GCH1: variants seen among roughly 807,000 people sequenced by gnomAD.
The protein encoded by GCH1 is GTP cyclohydrolase 1, also known as GTP cyclohydrolase I.
GCH1 carries 5 observed loss-of-function variants against 25.9 expected under a neutral mutation model. The observed-to-expected ratio is 0.19, with a 90% confidence interval of 0.10 to 0.41. The LOEUF (loss-of-function observed/expected upper bound fraction) is 0.41. GCH1 is among the 10% of genes least tolerant of loss of function. The pLI, the probability that GCH1 is intolerant of heterozygous loss-of-function variation, is 1.00. For synonymous variants in GCH1, 159 were observed against 129.6 expected (o/e 1.23, Z -1.54); for missense variants, 261 against 336.5 (o/e 0.78, Z 1.75).
intron 1 of GCH1, among the ~76,000 whole-genome samples, chr14:54,874,806 G>A (rs1021821317): frequency 2.6e-5 from 4 of 152,092 alleles, no homozygotes; most frequent in South Asian, 2.1e-4. Flanking sequence ...ACCTCTTCAA[G>A]GAGAACTACA....
At chr14:54,890,573 G>T (rs1367357248) in intron 1 of GCH1, among the ~76,000 whole-genome samples, 1 of 152,182 alleles carries the variant, frequency 6.6e-6, no homozygotes, top group African/African-American at 2.4e-5. Flanking sequence ...TTCATTACAA[G>T]GGTTGACTAT....
intron 1 of GCH1, among the ~76,000 whole-genome samples, chr14:54,870,827 G>A (rs1441898409): frequency 1.3e-5 from 2 of 152,226 alleles, no homozygotes; most frequent in African/African-American, 2.4e-5. Flanking sequence ...GCCGAGGCTT[G>A]AGTAGGTAAA....
rs551629849 is a variant in GCH1 at position 54,842,924 on chromosome 14, C to T, written c.*1093G>A. On this transcript the variant is annotated 3_prime_UTR_variant, in exon 6 of 6. Transcript: ENST00000491895. The stretch of plus-strand genomic sequence containing the variant: ...CCACAAAGGAAACCGGGACCAGAAG[C>T]TTCCAGTGCATTTTCACAGATCGTT... The T allele has an allele frequency of 1.4e-4, 86 of 633,416 alleles. No homozygotes were observed. In the African/African-American group the frequency reaches 1.5e-3, roughly 11 times the overall value. 39.2% of individuals were successfully genotyped at this position (633,416 alleles called of 1,614,324 possible). A position where few individuals can be genotyped will look rare whatever the true frequency, so the allele number is the denominator to read the frequency against.
At chr14:54,856,656 T>C (rs1417573581) in intron 3 of GCH1, among the ~76,000 whole-genome samples, 1 of 152,194 alleles carries the variant, frequency 6.6e-6, no homozygotes, top group Non-Finnish European at 1.5e-5. Context: ...TTTCACCATG[T>C]TGGCCAGGCT....
chr14:54,868,912 T>C (rs2040028575), intron 1 of GCH1, among the ~76,000 whole-genome samples: 2 of 151,922 alleles, frequency 1.3e-5, no homozygotes, highest in African/African-American at 4.8e-5. Context: ...ATTATTATTA[T>C]TATTATTTTA....
intron 1 of GCH1, among the ~76,000 whole-genome samples, chr14:54,898,562 A>T (rs190364583): frequency 2.6e-5 from 4 of 152,210 alleles, no homozygotes; most frequent in Admixed American, 2.6e-4. Context: ...GCTGTGCAAA[A>T]ATATTTTATA....
intron 3 of GCH1, among the ~76,000 whole-genome samples, chr14:54,855,866 A>T (rs528385241): frequency 2.0e-5 from 3 of 152,224 alleles, no homozygotes; most frequent in Non-Finnish European, 1.5e-5. Flanking sequence ...AGTACAGAAT[A>T]TAAGATATGA....
At chr14:54,871,453 A>G (rs985703308) in intron 1 of GCH1, among the ~76,000 whole-genome samples, 11 of 152,236 alleles carry the variant, frequency 7.2e-5, no homozygotes, top group African/African-American at 2.7e-4. Flanking sequence ...CTCCTCCTCC[A>G]AAGGAACGCA....
At chr14:54,895,083 CA>C in intron 1 of GCH1, among the ~76,000 whole-genome samples, 1 of 152,280 alleles carries the variant, frequency 6.6e-6, no homozygotes, top group East Asian at 1.9e-4. Context: ...GTTTGTGATT[CA>C]AAAAGAAAAA....
chr14:54,853,431 G>T (rs1237437828), intron 3 of GCH1, among the ~76,000 whole-genome samples: 1 of 152,106 alleles, frequency 6.6e-6, no homozygotes, highest in Non-Finnish European at 1.5e-5. Flanking sequence ...GATTTGGGAT[G>T]GGAAAAGGGA....
rs562651921 is a variant in GCH1 at position 54,897,019 on chromosome 14, T to G, written c.343+5302A>C. 1.7e-4 allele frequency among the ~76,000 whole-genome samples: 24 copies of G among 140,320 alleles called. No individual in the cohort carries two copies. The East Asian group carries it at 3.7e-3, about 21-fold the overall frequency. The allele number at this position is 140,320 out of a possible 152,430, so 92.1% of individuals were successfully genotyped here. A position where few individuals can be genotyped will look rare whatever the true frequency, so the allele number is the denominator to read the frequency against. ...TTCTACTCCACTTTTTGTTTTTTTT[T>G]TTTTTTTTTGAGATGGAGTCTTGCT... On this transcript the variant is annotated intron_variant, in intron 1 of 5. Transcript: ENST00000491895.
intron 3 of GCH1, among the ~76,000 whole-genome samples, chr14:54,855,950 T>G (rs2039804688): frequency 6.6e-6 from 1 of 152,206 alleles, no homozygotes; most frequent in Admixed American, 6.5e-5. Flanking sequence ...CTCTGGGGAA[T>G]GAAAATAGGT....
intron 2 of GCH1, among the ~76,000 whole-genome samples, chr14:54,861,300 TAG>T (rs1326190675): frequency 6.6e-6 from 1 of 152,166 alleles, no homozygotes; most frequent in Non-Finnish European, 1.5e-5. Context: ...AAAGAAAAAT[TAG>T]AGAGTTAAAA....
rs534459395 is a variant in GCH1, at chr14:54,865,570, T to C, written c.344-134A>G. ...ATATTAAGGGAATACAAATTAAAAC[T>C]AGATATTTTTCCTTATCAAAGTAGC... is the stretch of plus-strand genomic sequence containing the variant. On this transcript the variant is annotated intron_variant, in intron 1 of 5. Transcript: ENST00000491895. 1.7e-5 allele frequency: 11 copies of C among 657,760 alleles called. No individual in the cohort carries two copies. The East Asian group carries it at 3.1e-4, about 18-fold the overall frequency. 40.7% of individuals were successfully genotyped at this position (657,760 alleles called of 1,614,324 possible).
intron 2 of GCH1, among the ~76,000 whole-genome samples, chr14:54,860,878 A>G (rs1171324109): frequency 6.6e-6 from 1 of 152,178 alleles, no homozygotes; most frequent in East Asian, 1.9e-4. Context: ...TGCTACCACC[A>G]TGGCTTGGCA....
intron 1 of GCH1, among the ~76,000 whole-genome samples, chr14:54,900,358 C>T (rs2040546894): frequency 1.3e-5 from 2 of 151,568 alleles, no homozygotes; most frequent in African/African-American, 4.9e-5. Context: ...TACAGGCGCC[C>T]GCCATCACAC....
In GCH1 at chr14:54,843,663, T is replaced by G; in HGVS notation, c.*354A>C. ...GTATACTGGGCACAGTTCCCTCTCA[T>G]TCCCAATGCTCCTATGCTTATGAGG... On this transcript the variant is annotated 3_prime_UTR_variant, in exon 6 of 6. Transcript: ENST00000491895. 1 of 1,574,194 alleles carries G rather than the reference T, an allele frequency of 6.4e-7. No homozygotes were observed. Among genetic ancestry groups the G allele is most frequent in the African/African-American group, 1.4e-5 (1 of 73,110 alleles).
chr14:54,847,280 C>T lies in GCH1; in HGVS notation c.510-150G>A, dbSNP rs557474844. ...GCAAGATGACAGAAAGATACAAGTA[C>T]CACAGGGAGATGTAGTCTAAAGTCA... On this transcript the variant is annotated intron_variant, in intron 3 of 5. Coordinates refer to ENST00000491895, the MANE Select transcript of GCH1 (RefSeq NM_000161.3). The T allele has an allele frequency of 5.0e-4, 256 of 508,146 alleles. 1 individual carries two copies. Among genetic ancestry groups the T allele is most frequent in the African/African-American group, 4.4e-3 (225 of 51,036 alleles). The allele number at this position is 508,146 out of a possible 1,614,324, so 31.5% of individuals were successfully genotyped here. A position where few individuals can be genotyped will look rare whatever the true frequency, so the allele number is the denominator to read the frequency against.
intron 1 of GCH1, among the ~76,000 whole-genome samples, chr14:54,886,485 G>C (rs561699382): frequency 2.0e-5 from 3 of 152,270 alleles, no homozygotes; most frequent in African/African-American, 7.2e-5. Flanking sequence ...GGTGGTGGGT[G>C]CCTGTAGTCC....
Sources: gnomAD v4.1 joint callset for allele counts (sites outside exome capture counted in the v4.1 genomes callset) on GRCh38, gnomAD v4.1.1 for gene constraint, MANE v1.5 for transcripts, NCBI Gene and HGNC (gene_info 2026-07-23, HGNC 2026-07-21) for gene names.